UPP2: variants seen among roughly 807,000 people sequenced by gnomAD.
The protein encoded by UPP2 is UPase 2.
Under a neutral mutation model 26.7 loss-of-function variants are expected in UPP2, and 23 were observed. That is an observed-to-expected ratio of 0.86 (90% confidence interval 0.62 to 1.22). The LOEUF (loss-of-function observed/expected upper bound fraction) is 1.22. Ranked by LOEUF, UPP2 falls within the 50% of genes most tolerant of loss-of-function variation. The pLI is 0.00. For missense variants in UPP2, 387 were observed against 396.7 expected (o/e 0.98, Z 0.21); for synonymous variants, 127 against 141.3 (o/e 0.90, Z 0.72).
intron 2 of UPP2, among the ~76,000 whole-genome samples, chr2:158,011,626 G>C (rs901381157): frequency 7.0e-6 from 1 of 143,336 alleles, no homozygotes; most frequent in South Asian, 2.5e-4. Context: ...AGGATGTAGG[G>C]TCATGTGAAA....
At chr2:158,059,761 A>G (rs1490424712) in intron 3 of UPP2, among the ~76,000 whole-genome samples, 1 of 151,896 alleles carries the variant, frequency 6.6e-6, no homozygotes, top group Admixed American at 6.6e-5. Flanking sequence ...CCTTTTTTCC[A>G]TCCTTTTCCT....
At chr2:158,049,149 G>A (rs892029692) in intron 3 of UPP2, among the ~76,000 whole-genome samples, 13 of 152,172 alleles carry the variant, frequency 8.5e-5, no homozygotes, top group African/African-American at 3.1e-4. Flanking sequence ...AAAGCACTGG[G>A]TTCTAAAATA....
At chr2:158,130,328 G>A (rs557026952) in intron 6 of UPP2, among the ~76,000 whole-genome samples, 1 of 152,122 alleles carries the variant, frequency 6.6e-6, no homozygotes, top group African/African-American at 2.4e-5. Context: ...GTGGGCATCT[G>A]TAGTCCCAGC....
intron 3 of UPP2, among the ~76,000 whole-genome samples, chr2:158,027,584 G>A (rs183182120): frequency 8.5e-5 from 13 of 152,272 alleles, no homozygotes; most frequent in African/African-American, 2.9e-4. Context: ...GGTGCAAGCT[G>A]TTGGTGGATC....
chr2:158,135,150 T>C lies in UPP2; in HGVS notation c.*260T>C. ...TTTTAAAACTCCTGGATTATGACAT[T>C]TGGAGTTTCATATGCAGCATTAATT... On this transcript the variant is annotated 3_prime_UTR_variant, in exon 7 of 7. Coordinates refer to ENST00000005756, the MANE Select transcript of UPP2 (RefSeq NM_173355.4). The C allele has an allele frequency of 3.1e-6, 1 of 322,238 alleles. No individual in the cohort carries two copies. The highest frequency in any genetic ancestry group is 2.2e-5 in the African/African-American group (1 of 46,400). The allele number at this position is 322,238 out of a possible 1,614,324, so 20.0% of individuals were successfully genotyped here. A position where few individuals can be genotyped will look rare whatever the true frequency, so the allele number is the denominator to read the frequency against.
At chr2:158,098,494 A>G (rs1437562485), upstream of UPP2, among the ~76,000 whole-genome samples, 1 of 152,092 alleles carries the variant, frequency 6.6e-6, no homozygotes, top group African/African-American at 2.4e-5. Flanking sequence ...GCATTCAAGG[A>G]CCCATAGACT....
At chr2:158,019,639 AACACACACACACAC>A (rs57149695) in intron 3 of UPP2, among the ~76,000 whole-genome samples, 5,414 of 141,176 alleles carry the variant, frequency 0.038, 321 homozygotes, top group African/African-American at 0.13. Flanking sequence ...AATCCTTTAA[AACACACACACACAC>A]ACACACACAC....
chr2:158,088,754 G>A (rs1288143848), intron 3 of UPP2, among the ~76,000 whole-genome samples: 6 of 152,132 alleles, frequency 3.9e-5, no homozygotes, highest in Non-Finnish European at 7.4e-5. Context: ...ATTTCTCTTC[G>A]GGATCTAGCC....
intron 3 of UPP2, among the ~76,000 whole-genome samples, chr2:158,082,142 G>A (rs1257168074): frequency 1.3e-5 from 2 of 151,988 alleles, no homozygotes; most frequent in African/African-American, 2.4e-5. Context: ...GTACAGATGG[G>A]TTTCACCATG....
intron 3 of UPP2, among the ~76,000 whole-genome samples, chr2:158,048,000 TTC>T (rs1682064410): frequency 1.4e-5 from 2 of 147,258 alleles, no homozygotes; most frequent in African/African-American, 5.4e-5. Flanking sequence ...GAGCAGAGAG[TTC>T]AGTGAGGGTT....
At chr2:158,085,953 T>C (rs1427343310) in intron 3 of UPP2, among the ~76,000 whole-genome samples, 1 of 152,082 alleles carries the variant, frequency 6.6e-6, no homozygotes, top group East Asian at 1.9e-4. Context: ...TCAGGGATAT[T>C]GGTCTGCAGT....
chr2:158,114,758 T>C (rs1321477748), intron 2 of UPP2, among the ~76,000 whole-genome samples: 1 of 152,248 alleles, frequency 6.6e-6, no homozygotes, highest in African/African-American at 2.4e-5. Flanking sequence ...ATCCTAAGCA[T>C]ATGTCATGGT....
At chr2:158,026,050 C>T (rs1278878519) in intron 3 of UPP2, among the ~76,000 whole-genome samples, 1 of 152,092 alleles carries the variant, frequency 6.6e-6, no homozygotes, top group Non-Finnish European at 1.5e-5. Flanking sequence ...ATAGCTGAGG[C>T]CTTCCTCTCC....
intron 3 of UPP2, among the ~76,000 whole-genome samples, chr2:158,033,194 G>C (rs764278608): frequency 6.6e-6 from 1 of 152,096 alleles, no homozygotes; most frequent in Non-Finnish European, 1.5e-5. Flanking sequence ...CTTTGAGCAT[G>C]GTGTTTCTTT....
intron 2 of UPP2, among the ~76,000 whole-genome samples, chr2:158,109,390 C>T (rs1020788099): frequency 2.0e-5 from 3 of 152,140 alleles, no homozygotes; most frequent in African/African-American, 7.2e-5. Context: ...ACTTCTCACT[C>T]ACATTAGGTA....
chr2:158,131,684 T>C (rs1430128657), intron 6 of UPP2, among the ~76,000 whole-genome samples: 1 of 152,210 alleles, frequency 6.6e-6, no homozygotes, highest in Non-Finnish European at 1.5e-5. Flanking sequence ...TGGTGGCAGC[T>C]GGGTCACTAA....
At chr2:158,123,654 G>A (rs936885308) in intron 5 of UPP2, 95 bp from the exon 6 acceptor site, 1 of 1,424,078 alleles carries the variant, frequency 7.0e-7, no homozygotes, top group East Asian at 2.3e-5. Context: ...GAGTTAGACA[G>A]CGGCAGCGTG....
At chr2:158,103,653 T>C (rs1427985616) in intron 1 of UPP2, among the ~76,000 whole-genome samples, 2 of 152,188 alleles carry the variant, frequency 1.3e-5, no homozygotes, top group African/African-American at 4.8e-5. Flanking sequence ...GAAAGTGTAA[T>C]AGAATTTGGA....
chr2:158,053,961 G>C (rs1411479249), intron 3 of UPP2, among the ~76,000 whole-genome samples: 2 of 152,204 alleles, frequency 1.3e-5, no homozygotes, highest in Non-Finnish European at 2.9e-5. Context: ...TCACAATTTT[G>C]TGGTGACTTA....
Sources: gnomAD v4.1 joint callset for allele counts (sites outside exome capture counted in the v4.1 genomes callset) on GRCh38, gnomAD v4.1.1 for gene constraint, MANE v1.5 for transcripts, NCBI Gene and HGNC (gene_info 2026-07-23, HGNC 2026-07-21) for gene names.